Variants in USP7 observed in about 807,000 individuals in gnomAD.
USP7 encodes ubiquitin C-terminal hydrolase 7.
USP7 carries 9 observed loss-of-function variants against 162.9 expected under a neutral mutation model. The ratio of observed to expected loss-of-function variants is 0.06; its 90% CI spans 0.03 to 0.10. The LOEUF is 0.10. Ranked by LOEUF, USP7 falls within the 10% of genes least tolerant of loss-of-function variation. The pLI, the probability that USP7 is intolerant of heterozygous loss-of-function variation, is 1.00. For missense variants in USP7, 715 were observed against 1,373.7 expected (o/e 0.52, Z 7.58); for synonymous variants, 562 against 475.9 (o/e 1.18, Z -2.35).
chr16:8,916,971 A>T, intron 7 of USP7, 55 bp downstream of exon 7: 2 of 758,990 alleles, frequency 2.6e-6, no homozygotes, highest in Non-Finnish European at 3.5e-6. Flanking sequence ...ACTTGTCCTA[A>T]AAAAAAAAAA....
In USP7 at chr16:8,896,997, G is replaced by A. The variant is rs2141163116; in HGVS notation, c.2819+2C>T. On this transcript the variant is annotated splice_donor_variant, in intron 26 of 30. Transcript: ENST00000344836. LOFTEE classifies it low-confidence loss of function (GC_TO_GT_DONOR). ...CCACAATTGGGCTCAAGAAATACTTGCCTAAGTTTCCCTGATGCTTTCTCC... is the reference window on the plus strand; with the variant it reads ...CCACAATTGGGCTCAAGAAATACTTACCTAAGTTTCCCTGATGCTTTCTCC... 6.2e-7 allele frequency: 1 copy of A among 1,612,216 alleles called. No homozygotes were observed. The highest frequency in any genetic ancestry group is 2.2e-5 in the East Asian group (1 of 44,862).
intron 1 of USP7, among the ~76,000 whole-genome samples, chr16:8,939,359 G>T (rs1567239722): frequency 6.6e-6 from 1 of 152,156 alleles, no homozygotes; most frequent in East Asian, 1.9e-4. Flanking sequence ...GACACAGTGT[G>T]GAATGAGTTG....
intron 7 of USP7, among the ~76,000 whole-genome samples, chr16:8,916,799 TA>T (rs1034281065): frequency 1.2e-4 from 19 of 152,114 alleles, no homozygotes; most frequent in African/African-American, 4.6e-4. Flanking sequence ...GTAAAAACCT[TA>T]AGCGGTGAAT....
At chr16:8,952,524 C>G (rs573124697) in intron 1 of USP7, among the ~76,000 whole-genome samples, 50 of 152,282 alleles carry the variant, frequency 3.3e-4, no homozygotes, top group African/African-American at 1.1e-3. Flanking sequence ...CTAGAGCCAC[C>G]CCATTCCTGG....
chr16:8,903,659 G>A (rs764439096), intron 15 of USP7, among the ~76,000 whole-genome samples: 1 of 152,096 alleles, frequency 6.6e-6, no homozygotes, highest in Non-Finnish European at 1.5e-5. Context: ...CTGAGGTCAG[G>A]AGTTCCGAGA....
intron 3 of USP7, among the ~76,000 whole-genome samples, chr16:8,921,630 C>T (rs1321737511): frequency 1.3e-5 from 2 of 152,212 alleles, no homozygotes; most frequent in East Asian, 3.9e-4. Context: ...TGCTCCTGCC[C>T]CTACAGCCCT....
intron 21 of USP7, among the ~76,000 whole-genome samples, chr16:8,900,289 A>G (rs2061753667): frequency 6.6e-6 from 1 of 152,246 alleles, no homozygotes; most frequent in Non-Finnish European, 1.5e-5. Context: ...CTCTACTAAT[A>G]GTTGCCACGT....
chr16:8,897,714 A>AT, intron 25 of USP7, among the ~76,000 whole-genome samples: 1 of 42,958 alleles, frequency 2.3e-5, no homozygotes, highest in Admixed American at 3.8e-4. Flanking sequence ...AAAAAAAAAA[A>AT]AAAAAAAAAA....
chr16:8,922,979 C>T (rs936711390), intron 3 of USP7, among the ~76,000 whole-genome samples: 5 of 152,162 alleles, frequency 3.3e-5, no homozygotes, highest in African/African-American at 4.8e-5. Flanking sequence ...TAATCCAGGC[C>T]GGCCCTGATT....
Position 8,916,506 on chromosome 16 carries a change from C to A in USP7, c.902G>T (p.Arg301Leu). The change falls in exon 8 of 31, where the codon CGA becomes CTA. Residue 301 changes from arginine (R) to leucine (L), a missense_variant. Transcript: ENST00000344836. The part of the protein sequence containing the change: ...FMQHDVQELC[R>L]VLLDNVENKM... The stretch of plus-strand genomic sequence containing the variant: ...CAAGTATTGCTTGAAACTTACCACT[C>A]GACAAAGCTCCTGAACATCATGTTG... The A allele has an allele frequency of 6.2e-7, 1 of 1,610,324 alleles. No individual in the cohort carries two copies. Among genetic ancestry groups the A allele is most frequent in the Non-Finnish European group, 8.5e-7 (1 of 1,178,880 alleles).
At chr16:8,962,538 C>T in intron 1 of USP7, 1 of 444,036 alleles carries the variant, frequency 2.3e-6, no homozygotes. Flanking sequence ...CGCACGGTTG[C>T]AAGCGCACAC....
chr16:8,897,726 A>AATAT (rs1555461672), intron 25 of USP7, among the ~76,000 whole-genome samples: 181 of 7,140 alleles, frequency 0.025, 8 homozygotes, highest in Non-Finnish European at 0.032. Flanking sequence ...AAAAAAAAAA[A>AATAT]ATATATATAT....
chr16:8,915,815 C>T (rs1342192540), intron 8 of USP7, among the ~76,000 whole-genome samples: 1 of 152,166 alleles, frequency 6.6e-6, no homozygotes, highest in Non-Finnish European at 1.5e-5. Flanking sequence ...TGTGGAAAAG[C>T]ATGTAAAATT....
intron 1 of USP7, among the ~76,000 whole-genome samples, chr16:8,935,285 C>A (rs921729726): frequency 1.3e-5 from 2 of 151,042 alleles, no homozygotes; most frequent in African/African-American, 4.9e-5. Context: ...ACTGGAAACT[C>A]CTGGGTTAGA....
At chr16:8,917,537 C>A (rs1897442230) in intron 6 of USP7, among the ~76,000 whole-genome samples, 1 of 151,988 alleles carries the variant, frequency 6.6e-6, no homozygotes. Context: ...CACCACCACG[C>A]CAGGCTAATT....
chr16:8,898,524 C>T lies in USP7; in HGVS notation c.2640+7G>A. ...TGACCCATAGTTACATTAATTTGGA[C>T]TCATACCTGCTGATAGTAAAGTTTC... On this transcript the variant is annotated splice_region_variant and intron_variant, in intron 24 of 30. Transcript: ENST00000344836. The T allele has an allele frequency of 6.2e-7, 1 of 1,607,906 alleles. No individual in the cohort carries two copies.
intron 1 of USP7, chr16:8,936,669 A>C (rs1234749922): frequency 2.0e-6 from 3 of 1,537,920 alleles, no homozygotes; most frequent in Non-Finnish European, 2.6e-6. Context: ...TCTCTCACCC[A>C]CATCAGAGTG....
intron 27 of USP7, 111 bp downstream of exon 27, chr16:8,895,531 T>TG (rs2061667937): frequency 5.3e-6 from 5 of 935,284 alleles, no homozygotes; most frequent in Non-Finnish European, 8.4e-6. Flanking sequence ...CCTCGATTAC[T>TG]GGTATAAAAA....
chr16:8,902,281 T>C, intron 17 of USP7, 94 bp from the exon 18 acceptor site: 1 of 1,577,888 alleles, frequency 6.3e-7, no homozygotes, highest in Non-Finnish European at 8.7e-7. Context: ...AACGTCCAAT[T>C]CTAGTTAAGT....
Sources: allele counts gnomAD v4.1 joint callset (sites outside exome capture counted in the v4.1 genomes callset), GRCh38; gene constraint gnomAD v4.1.1; transcripts MANE v1.5; gene names NCBI Gene and HGNC (gene_info 2026-07-23, HGNC 2026-07-21).